The following MAP6D1 variants were observed in gnomAD, a reference collection of about 807,000 sequenced individuals.
MAP6D1 encodes MAP6 domain-containing protein 1.
Under a neutral mutation model 17.4 loss-of-function variants are expected in MAP6D1, and 13 were observed. The observed-to-expected ratio is 0.75, with a 90% confidence interval of 0.49 to 1.19. MAP6D1 has a LOEUF of 1.19. Among genes scored for constraint, MAP6D1 ranks in the 50% most tolerant of loss-of-function variants. The pLI, the probability that MAP6D1 is intolerant of heterozygous loss-of-function variation, is 0.00. For missense variants in MAP6D1, 313 were observed against 312.6 expected, an observed-to-expected ratio of 1.00 and a Z score of -0.01; for synonymous variants, 141 against 145.7, an observed-to-expected ratio of 0.97 and a Z score of 0.23.
At position 183,825,229 on chromosome 3, in the gene MAP6D1, G is replaced by A; in HGVS notation, c.319C>T (p.Pro107Ser). 4.9e-6 allele frequency: 7 copies of A among 1,422,068 alleles called. No homozygotes were observed. Among genetic ancestry groups the A allele is most frequent in the Non-Finnish European group, 6.4e-6 (7 of 1,087,226 alleles). 88.1% of individuals were successfully genotyped at this position (1,422,068 alleles called of 1,614,324 possible). A position where few individuals can be genotyped will look rare whatever the true frequency, so the allele number is the denominator to read the frequency against. The change falls in exon 1 of 3, where the codon CCA becomes TCA. Residue 107 changes from proline to serine, a missense_variant. By Grantham distance (74) the Pro-to-Ser change is moderately conservative. Transcript: ENST00000318631. ...RGKSSAQSSA[P>S]PAPGARGVYV... ...ACCCCGCGGGCGCCGGGCGCAGGTG[G>A]CGCGGAGGACTGCGCGGAGGATTTG...
chr3:183,824,587 A>G (rs774980406), intron 1 of MAP6D1, among the ~76,000 whole-genome samples: 1 of 152,162 alleles, frequency 6.6e-6, no homozygotes, highest in Admixed American at 6.5e-5. Flanking sequence ...TGGTAAGAGG[A>G]AAAAAGGGAG....
In MAP6D1 at chr3:183,817,286, G is replaced by A. The variant is rs1424133347; in HGVS notation, c.*70C>T. 1.4e-5 allele frequency: 21 copies of A among 1,458,946 alleles called. No homozygotes were observed. In the East Asian group the frequency reaches 2.0e-4, roughly 14 times the overall value. The allele number at this position is 1,458,946 out of a possible 1,614,324, so 90.4% of individuals were successfully genotyped here. A position where few individuals can be genotyped will look rare whatever the true frequency, so the allele number is the denominator to read the frequency against. ...CCATGCCATGCTCTCGCCCAGCCCC[G>A]CGGCAGTGGGTCCTGAGGCCGCTCC... On this transcript the variant is annotated 3_prime_UTR_variant, in exon 3 of 3. Coordinates refer to ENST00000318631, the MANE Select transcript of MAP6D1 (RefSeq NM_024871.4).
intron 2 of MAP6D1, 50 bp from the exon 3 acceptor site, chr3:183,817,486 C>A: frequency 6.8e-7 from 1 of 1,481,128 alleles, no homozygotes; most frequent in East Asian, 2.5e-5. Flanking sequence ...CCTTAACTCC[C>A]TACTCTTCCC....
At chr3:183,820,642 G>A (rs1479823194) in intron 1 of MAP6D1, among the ~76,000 whole-genome samples, 1 of 152,122 alleles carries the variant, frequency 6.6e-6, no homozygotes, top group East Asian at 1.9e-4. Context: ...GCTCATGCCT[G>A]TAATCCCAGC....
chr3:183,817,236 A>T lies in MAP6D1; in HGVS notation c.*120T>A. ...CTTTGGCCCTGGTGACAGCTTTGAG[A>T]GGGGCTGTGCCCTCCCGCAGGGGCC... On this transcript the variant is annotated 3_prime_UTR_variant, in exon 3 of 3. Transcript: ENST00000318631. The T allele has an allele frequency of 1.0e-6, 1 of 990,042 alleles. No individual in the cohort carries two copies. The allele number at this position is 990,042 out of a possible 1,614,324, so 61.3% of individuals were successfully genotyped here.
chr3:183,821,579 T>A (rs1225180963), intron 1 of MAP6D1, among the ~76,000 whole-genome samples: 2 of 130,812 alleles, frequency 1.5e-5, no homozygotes, highest in Non-Finnish European at 3.1e-5. Flanking sequence ...GGAGTCTCGC[T>A]CTATTGCCCA....
chr3:183,817,047 G>T lies in MAP6D1; in HGVS notation c.*309C>A, dbSNP rs189944617. On this transcript the variant is annotated 3_prime_UTR_variant, in exon 3 of 3. Coordinates refer to ENST00000318631, the MANE Select transcript of MAP6D1 (RefSeq NM_024871.4). ...TTCCTCAGCTTCCATGGACCAATTC[G>T]GTTCCCAACTGACTTGATCCTCAGG... The T allele has an allele frequency of 5.2e-6, 2 of 387,928 alleles. No individual in the cohort carries two copies. Among genetic ancestry groups the T allele is most frequent in the East Asian group, 5.9e-5 (1 of 16,918 alleles). 24.0% of individuals were successfully genotyped at this position (387,928 alleles called of 1,614,324 possible).
In MAP6D1 at chr3:183,817,215, G is replaced by C; in HGVS notation, c.*141C>G. The C allele has an allele frequency of 1.3e-6, 1 of 779,660 alleles. No individual in the cohort carries two copies. The highest frequency in any genetic ancestry group is 2.1e-6 in the Non-Finnish European group (1 of 470,794). 48.3% of individuals were successfully genotyped at this position (779,660 alleles called of 1,614,324 possible). A position where few individuals can be genotyped will look rare whatever the true frequency, so the allele number is the denominator to read the frequency against. ...TGCATCTGCTCCACACCAGCACTTTGGCCCTGGTGACAGCTTTGAGAGGGG... is the reference window on the plus strand; with the variant it reads ...TGCATCTGCTCCACACCAGCACTTTCGCCCTGGTGACAGCTTTGAGAGGGG... On this transcript the variant is annotated 3_prime_UTR_variant, in exon 3 of 3. Coordinates refer to ENST00000318631, the MANE Select transcript of MAP6D1 (RefSeq NM_024871.4).
In MAP6D1 at chr3:183,817,096, G is replaced by C; in HGVS notation, c.*260C>G. 2 of 475,742 alleles carry C rather than the reference G, an allele frequency of 4.2e-6. No homozygotes were observed. Among genetic ancestry groups the C allele is most frequent in the South Asian group, 4.4e-5 (2 of 45,952 alleles). 29.5% of individuals were successfully genotyped at this position (475,742 alleles called of 1,614,324 possible). The stretch of plus-strand genomic sequence containing the variant: ...GGCTCCTCAGAGATTTCAAAACTGA[G>C]AGACGGCCAGATGGCAGTTAACGAA... On this transcript the variant is annotated 3_prime_UTR_variant, in exon 3 of 3. Transcript: ENST00000318631.
chr3:183,818,196 C>G (rs1727164660), intron 1 of MAP6D1, 85 bp from the exon 2 acceptor site: 3 of 1,098,502 alleles, frequency 2.7e-6, no homozygotes, highest in Admixed American at 1.8e-5. Context: ...CTGCCCCATG[C>G]ACGGCCCTGC....
At chr3:183,820,963 T>C (rs180710509) in intron 1 of MAP6D1, among the ~76,000 whole-genome samples, 3,274 of 128,498 alleles carry the variant, frequency 0.025, 191 homozygotes, top group East Asian at 0.25. Flanking sequence ...GGTGTGGTGG[T>C]GGGCGCCTGT....
At chr3:183,820,632 G>T (rs556380092) in intron 1 of MAP6D1, among the ~76,000 whole-genome samples, 1 of 151,970 alleles carries the variant, frequency 6.6e-6, no homozygotes, top group East Asian at 1.9e-4. Flanking sequence ...AGGCACAGTG[G>T]CTCATGCCTG....
In MAP6D1 at chr3:183,824,999, C is replaced by T. The variant is rs908702504; in HGVS notation, c.401+148G>A. On this transcript the variant is annotated intron_variant, in intron 1 of 2. Coordinates refer to ENST00000318631, the MANE Select transcript of MAP6D1 (RefSeq NM_024871.4). ...TGCCCACGGACCAAACGGGGGTGAC[C>T]TCTGAGGCCGCCGGCAGCTCCGAGG... The T allele has an allele frequency of 6.8e-6, 6 of 881,652 alleles. No homozygotes were observed. The South Asian group carries it at 1.4e-4, about 20-fold the overall frequency. 54.6% of individuals were successfully genotyped at this position (881,652 alleles called of 1,614,324 possible). A position where few individuals can be genotyped will look rare whatever the true frequency, so the allele number is the denominator to read the frequency against.
In MAP6D1 at chr3:183,825,482, G is replaced by C; in HGVS notation, c.66C>G (p.Ser22=). The C allele has an allele frequency of 7.0e-7, 1 of 1,428,082 alleles. No individual in the cohort carries two copies. Among genetic ancestry groups the C allele is most frequent in the Non-Finnish European group, 9.1e-7 (1 of 1,093,764 alleles). 88.5% of individuals were successfully genotyped at this position (1,428,082 alleles called of 1,614,324 possible). The part of the protein sequence containing the change: ...LARRWNQLDR[S]DVAVPLTLHG... ...GCAGAGTGAGCGGCACCGCCACGTC[G>C]GAGCGGTCCAGCTGGTTCCAGCGCC... Residue 22 remains serine, a synonymous_variant, in exon 1 of 3, where the codon TCC becomes TCG. Transcript: ENST00000318631.
intron 1 of MAP6D1, among the ~76,000 whole-genome samples, chr3:183,818,563 G>T (rs935780486): frequency 2.0e-5 from 3 of 152,200 alleles, no homozygotes; most frequent in Admixed American, 6.5e-5. Flanking sequence ...CCAGAGCCAG[G>T]CTGCTTCAAG....
intron 1 of MAP6D1, among the ~76,000 whole-genome samples, chr3:183,823,702 T>G (rs1727309459): frequency 6.6e-6 from 1 of 152,166 alleles, no homozygotes; most frequent in East Asian, 1.9e-4. Context: ...GGCAGGAGAA[T>G]TGCTGGAACC....
At chr3:183,821,496 GGCA>G (rs1306570721) in intron 1 of MAP6D1, among the ~76,000 whole-genome samples, 5 of 151,862 alleles carry the variant, frequency 3.3e-5, no homozygotes, top group Non-Finnish European at 7.4e-5. Flanking sequence ...GGGAGGGCCC[GGCA>G]GGACATTCAC....
rs536995855 is a variant in MAP6D1, at chr3:183,818,007, C to A, written c.506G>T (p.Gly169Val). ...THTSGWDSSP[G>V]AGFQVPEVRK... is the part of the protein sequence containing the mutation. ...CTTCCGGCTGACCTGGAAGCCGGCCCCAGGGCTGCTGTCCCATCCCGAAGT... is the reference window on the plus strand; with the variant it reads ...CTTCCGGCTGACCTGGAAGCCGGCCACAGGGCTGCTGTCCCATCCCGAAGT... Residue 169 changes from glycine (G) to valine (V), a missense_variant, in exon 2 of 3, where the codon GGG becomes GTG. Physicochemically the swap from Gly to Val is moderately radical, Grantham distance 109. Coordinates refer to ENST00000318631, the MANE Select transcript of MAP6D1 (RefSeq NM_024871.4). 17 of 1,614,090 alleles carry A rather than the reference C, an allele frequency of 1.1e-5. No homozygotes were observed. In the South Asian group the frequency reaches 1.5e-4, roughly 15 times the overall value.
At position 183,816,664 on chromosome 3, in the gene MAP6D1, TAG is replaced by T. The variant is rs1395118472; in HGVS notation, c.*690_*691del. On this transcript the variant is annotated 3_prime_UTR_variant, in exon 3 of 3. Transcript: ENST00000318631. ...ATCCTTATGTTAGCGGGAAAATCAT[TAG>T]TAACAAAATGTGGATTCAATCTTTA... 1 of 152,576 alleles carries T rather than the reference TAG, an allele frequency of 6.6e-6. No homozygotes were observed. The highest frequency in any genetic ancestry group is 2.4e-5 in the African/African-American group (1 of 41,458). The allele number at this position is 152,576 out of a possible 1,614,324, so 9.5% of individuals were successfully genotyped here. A position where few individuals can be genotyped will look rare whatever the true frequency, so the allele number is the denominator to read the frequency against.
Sources: allele counts gnomAD v4.1 joint callset (sites outside exome capture counted in the v4.1 genomes callset), GRCh38; gene constraint gnomAD v4.1.1; transcripts MANE v1.5; gene names NCBI Gene and HGNC (gene_info 2026-07-23, HGNC 2026-07-21).